The following ACACA variants were observed in gnomAD, a reference collection of about 807,000 sequenced individuals.
ACACA encodes the protein acetyl-CoA carboxylase alpha, also known as acetyl-CoA carboxylase 1.
Under a neutral mutation model 296.1 loss-of-function variants are expected in ACACA, and 103 were observed. That is an observed-to-expected ratio of 0.35 (90% CI 0.30 to 0.41). The LOEUF (loss-of-function observed/expected upper bound fraction) is 0.41, where lower values mean the gene tolerates loss of function less well. Ranked by LOEUF, ACACA falls within the 10% of genes least tolerant of loss-of-function variation. ACACA has a pLI of 1.00. For synonymous variants in ACACA, 953 were observed against 1,038.6 expected (o/e 0.92, Z 1.58); for missense variants, 1,554 against 2,989.7 (o/e 0.52, Z 11.20).
chr17:37,390,793 C>CA lies in ACACA; in HGVS notation c.38+15468dup, dbSNP rs534003529. ...GGGAAAAAGGGTGAGACCCTGTGTC[C>CA]AAAAAAAAAAAAAAATTATCATTTC... On this transcript the variant is annotated intron_variant, in intron 1 of 55. Transcript: ENST00000616317. Among the ~76,000 whole-genome samples, 706 of 113,158 alleles carry CA rather than the reference C, an allele frequency of 6.2e-3. 3 individuals are homozygous for CA. Among genetic ancestry groups the CA allele is most frequent in the Admixed American group, 0.02 (216 of 11,028 alleles). 74.2% of individuals were successfully genotyped at this position (113,158 alleles called of 152,430 possible). A position where few individuals can be genotyped will look rare whatever the true frequency, so the allele number is the denominator to read the frequency against.
intron 42 of ACACA, 115 bp downstream of exon 42, chr17:37,161,666 A>T: frequency 7.8e-7 from 1 of 1,284,734 alleles, no homozygotes; most frequent in Non-Finnish European, 1.1e-6. Flanking sequence ...GTTTATATTT[A>T]ATTTTTACCA....
chr17:37,315,653 C>G (rs894018199), intron 3 of ACACA, among the ~76,000 whole-genome samples: 1 of 152,144 alleles, frequency 6.6e-6, no homozygotes, highest in African/African-American at 2.4e-5. Context: ...AGTTTACTTA[C>G]TATTACTGCT....
chr17:37,274,365 G>T, intron 8 of ACACA, 66 bp from the exon 9 acceptor site: 1 of 1,419,638 alleles, frequency 7.0e-7, no homozygotes, highest in Non-Finnish European at 1.0e-6. Context: ...TTTCTGCTCT[G>T]CATTCTTTGA....
intron 42 of ACACA, chr17:37,161,459 C>G: frequency 2.8e-6 from 1 of 352,038 alleles, no homozygotes; most frequent in South Asian, 3.6e-5. Context: ...GACCGTAAGT[C>G]CTGGAAGCCA....
At chr17:37,392,756 C>T (rs2050934333) in intron 1 of ACACA, 1 of 152,050 alleles carries the variant, frequency 6.6e-6, no homozygotes, top group African/African-American at 2.4e-5. Flanking sequence ...AGGGGAAAAT[C>T]TCACCCTAAG....
At chr17:37,384,001 C>T (rs2050418132) in intron 1 of ACACA, among the ~76,000 whole-genome samples, 1 of 152,182 alleles carries the variant, frequency 6.6e-6, no homozygotes, top group Non-Finnish European at 1.5e-5. Context: ...CGCGGTGTCT[C>T]ATGCCTGTAA....
intron 13 of ACACA, 61 bp from the exon 14 acceptor site, chr17:37,257,927 A>G: frequency 1.3e-6 from 2 of 1,584,556 alleles, no homozygotes. Flanking sequence ...AGATTTATAT[A>G]TTCATTGTTT....
chr17:37,145,971 A>G (rs1212970110), intron 45 of ACACA, among the ~76,000 whole-genome samples: 1 of 152,240 alleles, frequency 6.6e-6, no homozygotes, highest in Non-Finnish European at 1.5e-5. Context: ...GGGGAAAAGG[A>G]TAAAAATACG....
chr17:37,335,392 A>C (rs1472393923), intron 2 of ACACA, among the ~76,000 whole-genome samples: 1 of 152,152 alleles, frequency 6.6e-6, no homozygotes, highest in Non-Finnish European at 1.5e-5. Context: ...AAAATTTAGC[A>C]ATACTATAGA....
At chr17:37,265,291 G>A (rs531450196) in intron 10 of ACACA, among the ~76,000 whole-genome samples, 4 of 152,216 alleles carry the variant, frequency 2.6e-5, no homozygotes, top group South Asian at 2.1e-4. Context: ...AGTTATTGTC[G>A]CCATCTCTTG....
At chr17:37,152,974 T>G (rs1239854785) in intron 43 of ACACA, among the ~76,000 whole-genome samples, 3 of 152,192 alleles carry the variant, frequency 2.0e-5, no homozygotes, top group African/African-American at 7.2e-5. Context: ...ATTTTTAGCC[T>G]CTCCTAATAT....
Position 37,406,243 on chromosome 17 carries a change from A to G in ACACA, c.38+19T>C. On this transcript the variant is annotated intron_variant, in intron 1 of 55. Transcript: ENST00000616317. ...TAGAATCATCATTAACAGCAGTAAT[A>G]AGAGATCTTGGGACATACCTAGCCC... 1 of 1,613,416 alleles carries G rather than the reference A, an allele frequency of 6.2e-7. No individual in the cohort carries two copies. The highest frequency in any genetic ancestry group is 8.5e-7 in the Non-Finnish European group (1 of 1,179,334).
At chr17:37,391,197 C>T (rs1040694333) in intron 1 of ACACA, among the ~76,000 whole-genome samples, 1 of 152,062 alleles carries the variant, frequency 6.6e-6, no homozygotes, top group East Asian at 1.9e-4. Context: ...GAGATCACAC[C>T]ACTGCACTGC....
chr17:37,174,016 ATATATTTTT>A (rs1378451107), intron 41 of ACACA, among the ~76,000 whole-genome samples: 3 of 15,032 alleles, frequency 2.0e-4, no homozygotes, highest in Non-Finnish European at 3.3e-4. Flanking sequence ...ATATATATAT[ATATATTTTT>A]TTTTTTTTTT....
chr17:37,139,343 T>C (rs1281445503), intron 45 of ACACA, among the ~76,000 whole-genome samples: 1 of 152,110 alleles, frequency 6.6e-6, no homozygotes, highest in Non-Finnish European at 1.5e-5. Context: ...ATTTCTTCAT[T>C]CTAATACTCA....
At position 37,229,998 on chromosome 17, in the gene ACACA, T is replaced by C. The variant is rs954133342; in HGVS notation, c.3247-3546A>G. On this transcript the variant is annotated intron_variant, in intron 25 of 55. Transcript: ENST00000616317. Reference sequence around the variant, plus strand: ...CAGAGAATTGCCCAGGAGGTGGAGGTTGCAGTGAGCTGAGATTGCGTCATT... The same window carrying C: ...CAGAGAATTGCCCAGGAGGTGGAGGCTGCAGTGAGCTGAGATTGCGTCATT... 4.9e-4 allele frequency among the ~76,000 whole-genome samples: 74 copies of C among 151,166 alleles called. 1 individual carries two copies. The highest frequency in any genetic ancestry group is 8.6e-4 in the Admixed American group (13 of 15,192).
chr17:37,320,004 G>A (rs2047273995), intron 3 of ACACA, among the ~76,000 whole-genome samples: 2 of 151,722 alleles, frequency 1.3e-5, no homozygotes, highest in East Asian at 3.9e-4. Context: ...GCACATACCT[G>A]TAGTCCCAAC....
Position 37,354,205 on chromosome 17 carries a change from G to T in ACACA, c.39-14355C>A, listed in dbSNP as rs112358155. Among the ~76,000 whole-genome samples, 1,094 of 152,320 alleles carry T rather than the reference G, an allele frequency of 7.2e-3. 5 individuals carry two copies. Among genetic ancestry groups the T allele is most frequent in the African/African-American group, 0.023 (958 of 41,574 alleles). Reference sequence around the variant, plus strand: ...ATTTCCAGTCCTGATGTCATGGAATGGTAAACATTATTGTGGTTCCTTATA... The same window carrying T: ...ATTTCCAGTCCTGATGTCATGGAATTGTAAACATTATTGTGGTTCCTTATA... On this transcript the variant is annotated intron_variant, in intron 1 of 55. Coordinates refer to ENST00000616317, the MANE Select transcript of ACACA (RefSeq NM_198834.3).
chr17:37,361,067 C>A (rs967839030), intron 1 of ACACA, among the ~76,000 whole-genome samples: 1 of 133,326 alleles, frequency 7.5e-6, no homozygotes, highest in Non-Finnish European at 1.6e-5. Flanking sequence ...GAGATGGAGT[C>A]TCGCTCTGTC....
Sources: gnomAD v4.1 joint callset for allele counts (sites outside exome capture counted in the v4.1 genomes callset) on GRCh38, gnomAD v4.1.1 for gene constraint, MANE v1.5 for transcripts, NCBI Gene and HGNC (gene_info 2026-07-23, HGNC 2026-07-21) for gene names.